Variants in CCDC88C observed in about 807,000 individuals in gnomAD.
CCDC88C encodes the protein protein Daple.
CCDC88C carries 131 observed loss-of-function variants against 198.8 expected under a neutral mutation model. The ratio of observed to expected loss-of-function variants is 0.66; its 90% CI spans 0.57 to 0.76. The LOEUF is 0.76. Among genes scored for constraint, CCDC88C ranks in the 30% least tolerant of loss-of-function variants. The pLI, the probability that CCDC88C is intolerant of heterozygous loss-of-function variation, is 0.00. For synonymous variants in CCDC88C, 1,166 were observed against 1,114.7 expected (o/e 1.05, Z -0.92); for missense variants, 2,553 against 2,631.6 (o/e 0.97, Z 0.65).
At chr14:91,304,014 C>G in intron 19 of CCDC88C, 36 bp from the exon 20 acceptor site, 1 of 1,582,398 alleles carries the variant, frequency 6.3e-7, no homozygotes, top group Non-Finnish European at 8.6e-7. Flanking sequence ...GGCGCAGGCC[C>G]CACAGTCAGC....
chr14:91,407,084 C>CA lies in CCDC88C; in HGVS notation c.270+1574_270+1575insT, dbSNP rs1555430524. Among the ~76,000 whole-genome samples, 18 of 131,798 alleles carry CA rather than the reference C, an allele frequency of 1.4e-4. No individual in the cohort carries two copies. In the Admixed American group the frequency reaches 1.5e-3, roughly 11 times the overall value. The allele number at this position is 131,798 out of a possible 152,430, so 86.5% of individuals were successfully genotyped here. A position where few individuals can be genotyped will look rare whatever the true frequency, so the allele number is the denominator to read the frequency against. On this transcript the variant is annotated intron_variant, in intron 3 of 29. Transcript: ENST00000389857. ...GGCCCACACAGGCAAACTACGCCAG[C>CA]CCCCCCCACCCAACAGGAGGAGGAC...
chr14:91,326,546 G>T (rs1267013195), intron 10 of CCDC88C, among the ~76,000 whole-genome samples: 2 of 152,118 alleles, frequency 1.3e-5, no homozygotes, highest in African/African-American at 4.8e-5. Flanking sequence ...CAAGGACAAT[G>T]GACTTTCTCT....
intron 13 of CCDC88C, among the ~76,000 whole-genome samples, chr14:91,318,274 G>A (rs1021853692): frequency 2.0e-5 from 3 of 152,098 alleles, no homozygotes; most frequent in Admixed American, 6.5e-5. Flanking sequence ...AAATTAGCTG[G>A]GCGTGGTGGT....
intron 21 of CCDC88C, 101 bp downstream of exon 21, chr14:91,299,826 C>T (rs1891187505): frequency 3.6e-6 from 5 of 1,384,610 alleles, no homozygotes; most frequent in African/African-American, 1.5e-5. Flanking sequence ...TAAAAATCCA[C>T]GATCGCCAGG....
chr14:91,384,163 G>A (rs1000527090), intron 3 of CCDC88C, among the ~76,000 whole-genome samples: 3 of 152,164 alleles, frequency 2.0e-5, no homozygotes, highest in African/African-American at 7.2e-5. Flanking sequence ...GAGGCTAGGC[G>A]TGGTGGCTCA....
intron 3 of CCDC88C, among the ~76,000 whole-genome samples, chr14:91,377,938 A>C (rs1884547100): frequency 6.6e-6 from 1 of 152,236 alleles, no homozygotes; most frequent in South Asian, 2.1e-4. Flanking sequence ...GCTGCTCCAT[A>C]CATGCCATGC....
chr14:91,315,834 A>C (rs962509475), intron 13 of CCDC88C, 47 bp from the exon 14 acceptor site: 6 of 1,587,394 alleles, frequency 3.8e-6, no homozygotes, highest in Non-Finnish European at 5.1e-6. Context: ...AGTCCTACGA[A>C]GTGAACCATG....
intron 3 of CCDC88C, among the ~76,000 whole-genome samples, chr14:91,369,752 G>A (rs1291793749): frequency 6.6e-6 from 1 of 152,176 alleles, no homozygotes. Context: ...TTACGAGGCT[G>A]TCATGTAAAG....
Position 91,325,038 on chromosome 14 carries a change from C to T in CCDC88C, c.1198-115G>A. 1 of 1,315,516 alleles carries T rather than the reference C, an allele frequency of 7.6e-7. No homozygotes were observed. The highest frequency in any genetic ancestry group is 1.1e-6 in the Non-Finnish European group (1 of 942,918). The allele number at this position is 1,315,516 out of a possible 1,614,324, so 81.5% of individuals were successfully genotyped here. On this transcript the variant is annotated intron_variant, in intron 11 of 29. Coordinates refer to ENST00000389857, the MANE Select transcript of CCDC88C (RefSeq NM_001080414.4). The surrounding 1 kb of genome is among the most constrained non-coding windows in gnomAD (Gnocchi z 4.1). ...TGCTGTGGATGAAGATGTACTGGCT[C>T]ACTTCCAAATAAACAGAGCTGCACA...
intron 21 of CCDC88C, 81 bp from the exon 22 acceptor site, chr14:91,297,572 C>T (rs1891065293): frequency 7.1e-7 from 1 of 1,403,718 alleles, no homozygotes; most frequent in Admixed American, 2.1e-5. Context: ...GGCTATGTCC[C>T]AGCTCTGACA....
chr14:91,288,957 T>C lies in CCDC88C; in HGVS notation c.4441+148A>G. 1 of 621,328 alleles carries C rather than the reference T, an allele frequency of 1.6e-6. No homozygotes were observed. 38.5% of individuals were successfully genotyped at this position (621,328 alleles called of 1,614,324 possible). Reference sequence around the variant, plus strand: ...CAAAACGGTCGCCACGCTGAATTTCTACTTGGCTCGTAACACATCTAAGCG... The same window carrying C: ...CAAAACGGTCGCCACGCTGAATTTCCACTTGGCTCGTAACACATCTAAGCG... On this transcript the variant is annotated intron_variant, in intron 25 of 29. Coordinates refer to ENST00000389857, the MANE Select transcript of CCDC88C (RefSeq NM_001080414.4). The surrounding 1 kb of genome is among the most constrained non-coding windows in gnomAD (Gnocchi z 4.2).
chr14:91,384,828 GCC>G (rs1885029927), intron 3 of CCDC88C, among the ~76,000 whole-genome samples: 1 of 152,112 alleles, frequency 6.6e-6, no homozygotes, highest in East Asian at 1.9e-4. Flanking sequence ...GCCACAGACA[GCC>G]CCAAGGGTGG....
chr14:91,276,799 A>G (rs1317658080), intron 29 of CCDC88C, among the ~76,000 whole-genome samples: 1 of 152,234 alleles, frequency 6.6e-6, no homozygotes, highest in African/African-American at 2.4e-5. Flanking sequence ...CAAAATTCAG[A>G]GCACTTTAAA....
intron 22 of CCDC88C, among the ~76,000 whole-genome samples, chr14:91,297,075 C>T (rs1031275208): frequency 1.3e-5 from 2 of 152,246 alleles, no homozygotes; most frequent in African/African-American, 4.8e-5. Context: ...TCTCCCGACC[C>T]TGCAAAAGGT....
At chr14:91,302,200 G>C (rs1281063466) in intron 20 of CCDC88C, among the ~76,000 whole-genome samples, 1 of 152,190 alleles carries the variant, frequency 6.6e-6, no homozygotes, top group African/African-American at 2.4e-5. Context: ...TGTGGCTCCT[G>C]ACCGTGGAGA....
At chr14:91,395,641 TTATCCCCCAGCC>T (rs1567120183) in intron 3 of CCDC88C, among the ~76,000 whole-genome samples, 2 of 151,986 alleles carry the variant, frequency 1.3e-5, no homozygotes, top group African/African-American at 4.8e-5. Context: ...GTGGCTAACG[TTATCCCCCAGCC>T]GAGAAGGCAA....
chr14:91,301,045 GCA>G, intron 20 of CCDC88C, among the ~76,000 whole-genome samples: 1 of 152,312 alleles, frequency 6.6e-6, no homozygotes, highest in South Asian at 2.1e-4. Flanking sequence ...TGTTGGAAAA[GCA>G]CATTAATCAA....
At chr14:91,294,904 C>T (rs960852953) in intron 22 of CCDC88C, among the ~76,000 whole-genome samples, 1 of 152,198 alleles carries the variant, frequency 6.6e-6, no homozygotes, top group East Asian at 1.9e-4. Flanking sequence ...GTGATCCACC[C>T]GCTTCAGCCT....
At chr14:91,277,781 C>G (rs2139718318) in intron 29 of CCDC88C, 141 bp downstream of exon 29, 1 of 928,566 alleles carries the variant, frequency 1.1e-6, no homozygotes, top group Middle Eastern at 2.9e-4. Flanking sequence ...AGCTAGTGCT[C>G]TAGTCAGCCT....
Sources: gnomAD v4.1 joint callset for allele counts (sites outside exome capture counted in the v4.1 genomes callset) on GRCh38, gnomAD v4.1.1 for gene constraint, Gnocchi (gnomAD v3.1) non-coding constraint, MANE v1.5 for transcripts, NCBI Gene and HGNC (gene_info 2026-07-23, HGNC 2026-07-21) for gene names.